SRGAP3: variants seen among roughly 807,000 people sequenced by gnomAD.
SRGAP3 encodes SLIT-ROBO Rho GTPase-activating protein 3.
SRGAP3 carries 39 observed loss-of-function variants against 121.1 expected under a neutral mutation model. The ratio of observed to expected loss-of-function variants is 0.32; its 90% confidence interval spans 0.25 to 0.42. The LOEUF (loss-of-function observed/expected upper bound fraction) is 0.42, where lower values mean the gene tolerates loss of function less well. SRGAP3 is among the 10% of genes least tolerant of loss of function. The pLI, the probability that SRGAP3 is intolerant of heterozygous loss-of-function variation, is 1.00. For synonymous variants in SRGAP3, 601 were observed against 570.0 expected (o/e 1.05, Z -0.77); for missense variants, 1,213 against 1,470.6 (o/e 0.82, Z 2.86).
At chr3:9,136,201 A>G (rs748417736) in intron 1 of SRGAP3, among the ~76,000 whole-genome samples, 6 of 152,070 alleles carry the variant, frequency 3.9e-5, no homozygotes, top group Non-Finnish European at 5.9e-5. Context: ...GCCCTGCACA[A>G]AAGACTCGTG....
intron 1 of SRGAP3, among the ~76,000 whole-genome samples, chr3:9,179,056 C>T (rs201388430): frequency 6.6e-6 from 1 of 152,180 alleles, no homozygotes; most frequent in East Asian, 1.9e-4. Flanking sequence ...TCCTGCCCAT[C>T]GAACAAGATC....
At chr3:9,134,179 G>A (rs1419527922) in intron 1 of SRGAP3, among the ~76,000 whole-genome samples, 1 of 152,140 alleles carries the variant, frequency 6.6e-6, no homozygotes, top group Non-Finnish European at 1.5e-5. Flanking sequence ...TTAGTAAGAG[G>A]GGCCAGAGTA....
chr3:9,209,916 C>T (rs1333228779), intron 1 of SRGAP3, among the ~76,000 whole-genome samples: 11 of 152,026 alleles, frequency 7.2e-5, no homozygotes, highest in African/African-American at 9.7e-5. Flanking sequence ...GACAAATGTG[C>T]GATAAACCAA....
At chr3:8,995,710 G>C (rs1574867435) in intron 18 of SRGAP3, among the ~76,000 whole-genome samples, 3 of 152,130 alleles carry the variant, frequency 2.0e-5, no homozygotes, top group Admixed American at 1.3e-4. Context: ...TGGGGAGCAG[G>C]GGATTGTGCC....
At chr3:9,301,906 TA>T (rs1955064663) in intron 3 of SRGAP3, among the ~76,000 whole-genome samples, 1 of 152,222 alleles carries the variant, frequency 6.6e-6, no homozygotes, top group Non-Finnish European at 1.5e-5. Flanking sequence ...TAACTGCCAA[TA>T]AACGGCAGTT....
At chr3:9,118,411 A>G (rs1948880617) in intron 2 of SRGAP3, among the ~76,000 whole-genome samples, 1 of 152,172 alleles carries the variant, frequency 6.6e-6, no homozygotes, top group African/African-American at 2.4e-5. Flanking sequence ...CTACCCCAAG[A>G]GGCAGGTTTG....
intron 1 of SRGAP3, among the ~76,000 whole-genome samples, chr3:9,161,945 A>G (rs1560304826): frequency 6.6e-6 from 1 of 152,236 alleles, no homozygotes; most frequent in Admixed American, 6.5e-5. Context: ...GGACTGGATG[A>G]ACAAGGTGTG....
At chr3:9,077,469 C>T (rs1198354419) in intron 4 of SRGAP3, among the ~76,000 whole-genome samples, 2 of 152,286 alleles carry the variant, frequency 1.3e-5, no homozygotes, top group East Asian at 3.9e-4. Flanking sequence ...ACTGAAGACT[C>T]AGTGTGCAGT....
intron 1 of SRGAP3, among the ~76,000 whole-genome samples, chr3:9,158,579 A>C (rs1453725571): frequency 6.6e-6 from 1 of 152,204 alleles, no homozygotes; most frequent in Non-Finnish European, 1.5e-5. Flanking sequence ...AAATTATCCC[A>C]TATCACCTGC....
chr3:8,997,474 A>G (rs1479165409), intron 18 of SRGAP3, among the ~76,000 whole-genome samples: 1 of 152,172 alleles, frequency 6.6e-6, no homozygotes, highest in Non-Finnish European at 1.5e-5. Context: ...CCCCTGTTCA[A>G]AATCCTCAGA....
Position 9,060,374 on chromosome 3 carries a change from G to C in SRGAP3, c.673-15C>G, listed in dbSNP as rs1946088747. ...TTGGCCTGCCTCTGGAAGAAGAAAA[G>C]AGTAGATGTAAGAGCAAGCCATTTA... On this transcript the variant is annotated splice_polypyrimidine_tract_variant and intron_variant, in intron 5 of 21. Coordinates refer to ENST00000383836, the MANE Select transcript of SRGAP3 (RefSeq NM_014850.4). 1.9e-6 allele frequency: 3 copies of C among 1,599,686 alleles called. No homozygotes were observed. Among genetic ancestry groups the C allele is most frequent in the African/African-American group, 2.7e-5 (2 of 74,006 alleles).
intron 3 of SRGAP3, among the ~76,000 whole-genome samples, chr3:9,093,674 A>G (rs976201183): frequency 6.6e-6 from 1 of 152,066 alleles, no homozygotes; most frequent in Non-Finnish European, 1.5e-5. Context: ...ATCTTTCACC[A>G]CTAATATGTA....
chr3:9,165,894 A>G (rs1234914025), intron 1 of SRGAP3, among the ~76,000 whole-genome samples: 1 of 152,210 alleles, frequency 6.6e-6, no homozygotes, highest in Non-Finnish European at 1.5e-5. Context: ...GCTCCTTCAG[A>G]GCCTTATCTC....
chr3:8,990,760 C>G lies in SRGAP3; in HGVS notation c.2638G>C (p.Gly880Arg), dbSNP rs371675684. The change falls in exon 21 of 22, where the codon GGC becomes CGC. Residue 880 changes from glycine (G) to arginine (R), a missense_variant. This residue lies in a region of SRGAP3 where 420 missense variants were observed against 437.7 expected (regional missense o/e 0.96). Coordinates refer to ENST00000383836, the MANE Select transcript of SRGAP3 (RefSeq NM_014850.4). Reference sequence around the variant, plus strand: ...CGGGGTGGTGTGTCTATGCTGGGGCCCAGGCCCCGGGGCGGGCTGTGTGTG... The same window carrying G: ...CGGGGTGGTGTGTCTATGCTGGGGCGCAGGCCCCGGGGCGGGCTGTGTGTG... The part of the protein sequence containing the change: ...GDTHSPPRGL[G>R]PSIDTPPRAA... The G allele has an allele frequency of 1.6e-4, 252 of 1,606,202 alleles. No homozygotes were observed. The highest frequency in any genetic ancestry group is 2.1e-4 in the Non-Finnish European group (243 of 1,176,438).
At chr3:9,011,152 C>T (rs1943351841) in intron 17 of SRGAP3, among the ~76,000 whole-genome samples, 1 of 151,776 alleles carries the variant, frequency 6.6e-6, no homozygotes, top group African/African-American at 2.4e-5. Context: ...ATGTTGCTTA[C>T]ATTGTAGGGA....
chr3:9,066,580 A>C (rs950083068), intron 4 of SRGAP3, among the ~76,000 whole-genome samples: 2 of 151,328 alleles, frequency 1.3e-5, no homozygotes, highest in African/African-American at 4.9e-5. Flanking sequence ...GCTCACTGCA[A>C]CCTCCACCTC....
At chr3:9,175,714 G>T (rs1030935761) in intron 1 of SRGAP3, among the ~76,000 whole-genome samples, 1 of 152,178 alleles carries the variant, frequency 6.6e-6, no homozygotes, top group Non-Finnish European at 1.5e-5. Context: ...CATTCTTTCT[G>T]TTCTAGACCA....
intron 3 of SRGAP3, among the ~76,000 whole-genome samples, chr3:9,083,461 C>T (rs1947328860): frequency 6.6e-6 from 1 of 152,232 alleles, no homozygotes; most frequent in South Asian, 2.1e-4. Flanking sequence ...CATATGTTCT[C>T]TCTTAACACA....
At chr3:9,077,899 A>G (rs761502923) in intron 4 of SRGAP3, among the ~76,000 whole-genome samples, 30 of 152,242 alleles carry the variant, frequency 2.0e-4, no homozygotes, top group Admixed American at 6.5e-4. Context: ...GACTTGCCCA[A>G]GGCCACACAG....
Sources: allele counts gnomAD v4.1 joint callset (sites outside exome capture counted in the v4.1 genomes callset), GRCh38; gene constraint gnomAD v4.1.1; regional missense constraint gnomAD v4.1.1; transcripts MANE v1.5; gene names NCBI Gene and HGNC (gene_info 2026-07-23, HGNC 2026-07-21).